The following PSD4 variants were observed in gnomAD, a reference collection of about 807,000 sequenced individuals.
The protein encoded by PSD4 is pleckstrin and Sec7 domain containing 4.
A neutral mutation model predicts 112.5 loss-of-function variants in PSD4; 59 were observed. The observed-to-expected ratio is 0.52, with a 90% CI of 0.43 to 0.65. The LOEUF is 0.65. PSD4 is among the 30% of genes least tolerant of loss of function. The pLI is 0.00. For synonymous variants in PSD4, 533 were observed against 540.0 expected, an observed-to-expected ratio of 0.99 and a Z score of 0.18; for missense variants, 1,267 against 1,352.6, an observed-to-expected ratio of 0.94 and a Z score of 0.99.
At chr2:113,194,212 T>C (rs1688535315) in intron 10 of PSD4, among the ~76,000 whole-genome samples, 1 of 152,124 alleles carries the variant, frequency 6.6e-6, no homozygotes. Context: ...CCCTAAAATA[T>C]TTTCTTAAGT....
intron 5 of PSD4, among the ~76,000 whole-genome samples, 182 bp from the exon 6 acceptor site, chr2:113,192,198 G>A (rs1017470691): frequency 3.3e-5 from 5 of 151,910 alleles, no homozygotes; most frequent in Admixed American, 6.6e-5. Flanking sequence ...CCTTCCTCTC[G>A]GGGTTCTCCT....
In PSD4 at chr2:113,193,259, A is replaced by G; in HGVS notation, c.1921A>G (p.Ser641Gly). Residue 641 changes from serine (S) to glycine (G), a missense_variant and splice_region_variant, in exon 8 of 17, where the codon AGC becomes GGC. Around this residue, in one of 2 missense-constraint regions of PSD4, gnomAD observed 544 missense variants for 648.6 expected, o/e 0.84. Coordinates refer to ENST00000245796, the MANE Select transcript of PSD4 (RefSeq NM_012455.3). ...GGQSLDRALR[S>G]FLQALVLSGE... ...CTTGACCCTGGCCCTCCTTTGCAGG[A>G]GCTTCCTCCAGGCCTTGGTGCTCAG... is the stretch of plus-strand genomic sequence containing the variant. The G allele has an allele frequency of 4.4e-6, 7 of 1,580,622 alleles. No homozygotes were observed. Among genetic ancestry groups the G allele is most frequent in the Non-Finnish European group, 4.3e-6 (5 of 1,164,932 alleles).
intron 2 of PSD4, 141 bp downstream of exon 2, chr2:113,183,653 A>C: frequency 1.4e-6 from 1 of 735,972 alleles, no homozygotes; most frequent in East Asian, 3.1e-5. Flanking sequence ...ATAGCAGGGT[A>C]ATAGAGCAGA....
At chr2:113,189,374 C>A (rs1478199516) in intron 5 of PSD4, among the ~76,000 whole-genome samples, 1 of 150,150 alleles carries the variant, frequency 6.7e-6, no homozygotes, top group African/African-American at 2.5e-5. Context: ...TATACACACA[C>A]ACATACACAC....
intron 1 of PSD4, among the ~76,000 whole-genome samples, chr2:113,179,464 G>A (rs1688068491): frequency 6.6e-6 from 1 of 152,168 alleles, no homozygotes; most frequent in Non-Finnish European, 1.5e-5. Context: ...GAGGGTTCTT[G>A]GATCTCGTGC....
Position 113,193,259 on chromosome 2 carries a change from A to C in PSD4, c.1921A>C (p.Ser641Arg). Residue 641 changes from serine to arginine, a missense_variant and splice_region_variant, in exon 8 of 17, where the codon AGC becomes CGC. Physicochemically the swap from Ser to Arg is moderately radical, Grantham distance 110 (BLOSUM62 -1). This residue lies in a region of PSD4 where 544 missense variants were observed against 648.6 expected (regional missense o/e 0.84). Coordinates refer to ENST00000245796, the MANE Select transcript of PSD4 (RefSeq NM_012455.3). ...CTTGACCCTGGCCCTCCTTTGCAGG[A>C]GCTTCCTCCAGGCCTTGGTGCTCAG... ...GGQSLDRALRSFLQALVLSGE... is the reference protein window; with the variant it reads ...GGQSLDRALRRFLQALVLSGE... 3.2e-6 allele frequency: 5 copies of C among 1,580,622 alleles called. No homozygotes were observed. The highest frequency in any genetic ancestry group is 4.3e-6 in the Non-Finnish European group (5 of 1,164,932).
In PSD4 at chr2:113,199,216, T is replaced by A; in HGVS notation, c.2903T>A (p.Leu968Gln). Residue 968 changes from leucine (L) to glutamine (Q), a missense_variant, in exon 16 of 17, where the codon CTG becomes CAG. Physicochemically the swap from Leu to Gln is moderately radical, Grantham distance 113 (BLOSUM62 -2). Coordinates refer to ENST00000245796, the MANE Select transcript of PSD4 (RefSeq NM_012455.3). The stretch of plus-strand genomic sequence containing the variant: ...GAGCACCGCCTGCGGAAGGAGTACC[T>A]GGAGTACGAGGTGAGCGGCCGAGCC... ...LEEHRLRKEY[L>Q]EYEKTRYETY... is the part of the protein sequence containing the mutation. 6.6e-7 allele frequency: 1 copy of A among 1,506,742 alleles called. No individual in the cohort carries two copies. The allele number at this position is 1,506,742 out of a possible 1,614,324, so 93.3% of individuals were successfully genotyped here. A position where few individuals can be genotyped will look rare whatever the true frequency, so the allele number is the denominator to read the frequency against.
At chr2:113,177,021 C>T (rs1687998634) in intron 1 of PSD4, among the ~76,000 whole-genome samples, 1 of 152,234 alleles carries the variant, frequency 6.6e-6, no homozygotes, top group Non-Finnish European at 1.5e-5. Flanking sequence ...CACACAGTTA[C>T]ACAGTGCCCC....
At position 113,182,849 on chromosome 2, in the gene PSD4, A is replaced by G. The variant is rs1331718153; in HGVS notation, c.393A>G (p.Ser131=). ...AQREHRQNTA[S]PGSPVNSHLP... is the part of the protein sequence containing the mutation. ...GGGAGCACAGGCAGAACACAGCATCACCAGGGTCACCAGTGAACAGCCATC... is the reference window on the plus strand; with the variant it reads ...GGGAGCACAGGCAGAACACAGCATCGCCAGGGTCACCAGTGAACAGCCATC... The change falls in exon 2 of 17, where the codon TCA becomes TCG. Residue 131 remains serine, a synonymous_variant. Transcript: ENST00000245796. The G allele has an allele frequency of 6.2e-7, 1 of 1,613,970 alleles. No homozygotes were observed. The highest frequency in any genetic ancestry group is 1.1e-5 in the South Asian group (1 of 91,080).
At chr2:113,197,970 C>T in intron 14 of PSD4, 57 bp downstream of exon 14, 2 of 1,463,906 alleles carry the variant, frequency 1.4e-6, no homozygotes, top group Non-Finnish European at 1.8e-6. Flanking sequence ...AGTTCTCTCT[C>T]CCCTGACCCT....
chr2:113,198,594 G>C, intron 14 of PSD4, 146 bp from the exon 15 acceptor site: 1 of 963,854 alleles, frequency 1.0e-6, no homozygotes, highest in Middle Eastern at 2.8e-4. Context: ...CAGAGGTCGG[G>C]TGCCCGGCTA....
intron 16 of PSD4, among the ~76,000 whole-genome samples, chr2:113,200,753 C>T (rs987131122): frequency 7.2e-5 from 11 of 152,194 alleles, no homozygotes; most frequent in Admixed American, 7.2e-4. Context: ...CATCATGCTC[C>T]ACAGATGCCA....
At chr2:113,175,928 G>A (rs1687962150) in intron 1 of PSD4, among the ~76,000 whole-genome samples, 1 of 152,232 alleles carries the variant, frequency 6.6e-6, no homozygotes, top group Non-Finnish European at 1.5e-5. Flanking sequence ...AACCTGTGAA[G>A]TATAGCTTTA....
intron 9 of PSD4, 94 bp from the exon 10 acceptor site, chr2:113,193,765 G>C: frequency 1.9e-6 from 3 of 1,560,102 alleles, no homozygotes; most frequent in Non-Finnish European, 8.8e-7. Flanking sequence ...TGTGGGCCTG[G>C]GGAGCTGGAA....
intron 14 of PSD4, 126 bp from the exon 15 acceptor site, chr2:113,198,614 C>T: frequency 8.4e-7 from 1 of 1,183,782 alleles, no homozygotes; most frequent in Non-Finnish European, 1.1e-6. Context: ...AGTGGCAGGG[C>T]TGTAACTATG....
Position 113,183,040 on chromosome 2 carries a change from T to TC in PSD4, c.588dup (p.Gly197ArgfsTer11). On this transcript the variant is annotated frameshift_variant, in exon 2 of 17. Coordinates refer to ENST00000245796, the MANE Select transcript of PSD4 (RefSeq NM_012455.3). LOFTEE classifies it high-confidence loss of function. ...TGTCTCCCCACGCCCCCTGTGGACC[T>TC]CCCCGGGGACACGGGCCTGCACTCC... 6.2e-7 allele frequency: 1 copy of TC among 1,613,490 alleles called. No homozygotes were observed. Among genetic ancestry groups the TC allele is most frequent in the Non-Finnish European group, 8.5e-7 (1 of 1,179,706 alleles).
Position 113,192,433 on chromosome 2 carries a change from C to A in PSD4, c.1682C>A (p.Pro561His). 2.5e-6 allele frequency: 4 copies of A among 1,614,204 alleles called. No individual in the cohort carries two copies. The highest frequency in any genetic ancestry group is 3.4e-6 in the Non-Finnish European group (4 of 1,180,040). ...TCTTGGCTTCCTGGGAGCCCTATGCCCCAAGCACAGTCCCCAGAGGAAGGC... is the reference window on the plus strand; with the variant it reads ...TCTTGGCTTCCTGGGAGCCCTATGCACCAAGCACAGTCCCCAGAGGAAGGC... ...NSSWLPGSPM[P>H]QAQSPEEGQR... is the part of the protein sequence containing the mutation. Residue 561 changes from proline (P) to histidine (H), a missense_variant, in exon 6 of 17, where the codon CCC (proline) becomes CAC (histidine). This residue lies in a region of PSD4 where 723 missense variants were observed against 704.0 expected (regional missense o/e 1.03). Transcript: ENST00000245796.
chr2:113,196,073 C>A, intron 11 of PSD4, 74 bp from the exon 12 acceptor site: 1 of 1,531,380 alleles, frequency 6.5e-7, no homozygotes, highest in South Asian at 1.2e-5. Context: ...GTTGCTAAGG[C>A]TCTGGGAGGC....
At chr2:113,193,419 C>T (rs1479432288) in intron 8 of PSD4, 49 bp downstream of exon 8, 4 of 1,575,340 alleles carry the variant, frequency 2.5e-6, no homozygotes, top group Non-Finnish European at 3.5e-6. Flanking sequence ...TTTGGGGTGC[C>T]CATGTCTGCT....
Sources: allele counts gnomAD v4.1 joint callset (sites outside exome capture counted in the v4.1 genomes callset), GRCh38; gene constraint gnomAD v4.1.1; regional missense constraint gnomAD v4.1.1; transcripts MANE v1.5; gene names NCBI Gene and HGNC (gene_info 2026-07-23, HGNC 2026-07-21).